COL4A6: variants seen among roughly 807,000 people sequenced by gnomAD.
COL4A6 encodes collagen alpha-6(IV) chain.
COL4A6 carries 59 observed loss-of-function variants against 126.7 expected under a neutral mutation model. The ratio of observed to expected loss-of-function variants is 0.47; its 90% confidence interval spans 0.38 to 0.58. The LOEUF (loss-of-function observed/expected upper bound fraction) is 0.58. COL4A6 is among the 20% of genes least tolerant of loss of function. The probability of loss-of-function intolerance (pLI) is 0.00; values close to 1 mark genes in which losing one functional copy is unlikely to be tolerated. For missense variants in COL4A6, 1,285 were observed against 1,337.3 expected, an observed-to-expected ratio of 0.96 and a Z score of 0.61; for synonymous variants, 547 against 496.6, an observed-to-expected ratio of 1.10 and a Z score of -1.35.
intron 3 of COL4A6, among the ~76,000 whole-genome samples, chrX:108,271,878 A>G (rs2037460655): frequency 8.9e-6 from 1 of 111,961 alleles, no homozygotes; most frequent in Admixed American, 9.5e-5. Flanking sequence ...TCATCCAGCT[A>G]CCCTGGGCAA....
intron 3 of COL4A6, among the ~76,000 whole-genome samples, chrX:108,259,488 C>T (rs1386729818): frequency 1.8e-5 from 2 of 111,706 alleles, no homozygotes; most frequent in East Asian, 5.7e-4. Flanking sequence ...ATGGTGGGCT[C>T]AAGGCAGTGT....
chrX:108,245,426 T>A (rs2036691465), intron 3 of COL4A6, among the ~76,000 whole-genome samples: 1 of 111,820 alleles, frequency 8.9e-6, no homozygotes, highest in Non-Finnish European at 1.9e-5. Flanking sequence ...AAAAGCTAAA[T>A]ATGCTTAAAC....
intron 2 of COL4A6, among the ~76,000 whole-genome samples, chrX:108,345,753 T>C (rs1476135781): frequency 9.0e-6 from 1 of 111,534 alleles, no homozygotes; most frequent in Non-Finnish European, 1.9e-5. Flanking sequence ...CTGCCTCCTA[T>C]AGCATGATGT....
intron 41 of COL4A6, 143 bp downstream of exon 41, chrX:108,162,749 C>A (rs1188877314): frequency 7.2e-5 from 49 of 680,794 alleles, no homozygotes; most frequent in Non-Finnish European, 9.7e-5. Context: ...TTCTTCTCCC[C>A]AACAGGAAGC....
chrX:108,249,103 T>A (rs747014333), intron 3 of COL4A6, among the ~76,000 whole-genome samples: 68 of 110,488 alleles, frequency 6.2e-4, no homozygotes, highest in Middle Eastern at 4.7e-3. Flanking sequence ...AATGTAATAA[T>A]AATAATAGAA....
At chrX:108,159,849 G>T in intron 43 of COL4A6, 101 bp from the exon 44 acceptor site, 2 of 895,839 alleles carry the variant, frequency 2.2e-6, no homozygotes, top group Non-Finnish European at 1.6e-6. Context: ...ACCAGACTGA[G>T]GCAGCCCTCT....
At chrX:108,196,615 G>T in intron 13 of COL4A6, 36 bp from the exon 14 acceptor site, 1 of 1,109,200 alleles carries the variant, frequency 9.0e-7, no homozygotes, top group African/African-American at 1.8e-5. Flanking sequence ...TATAACGTTT[G>T]TTTTCTTGTC....
At chrX:108,185,913 C>T (rs1024248133) in intron 23 of COL4A6, among the ~76,000 whole-genome samples, 13 of 111,856 alleles carry the variant, frequency 1.2e-4, no homozygotes, top group Non-Finnish European at 1.9e-4. Context: ...TATGACTACA[C>T]AAAGAGGAAG....
intron 3 of COL4A6, among the ~76,000 whole-genome samples, chrX:108,265,400 T>TC (rs2037275084): frequency 9.1e-6 from 1 of 110,071 alleles, no homozygotes; most frequent in Non-Finnish European, 1.9e-5. Context: ...GTTTTTTTTT[T>TC]TGACAAACAT....
At chrX:108,343,097 A>C (rs946799365) in intron 2 of COL4A6, among the ~76,000 whole-genome samples, 1 of 103,089 alleles carries the variant, frequency 9.7e-6, no homozygotes, top group African/African-American at 3.6e-5. Flanking sequence ...AATACTACAA[A>C]GGAAAGGAAA....
intron 5 of COL4A6, among the ~76,000 whole-genome samples, chrX:108,217,530 G>A (rs1355553392): frequency 1.8e-5 from 2 of 110,874 alleles, no homozygotes; most frequent in South Asian, 3.9e-4. Flanking sequence ...TGAGAGGAAC[G>A]GAAGATATAA....
Position 108,246,188 on chromosome X carries a change from C to T in COL4A6, c.145-24814G>A, listed in dbSNP as rs1426827975. On this transcript the variant is annotated intron_variant, in intron 3 of 44. Transcript: ENST00000334504. The stretch of plus-strand genomic sequence containing the variant: ...TACTTACTATCTGTGTGATCTTGGG[C>T]AGATAACCTGTCTGTGTCTGTTTTA... Among the ~76,000 whole-genome samples, 3 of 111,869 alleles carry T rather than the reference C, an allele frequency of 2.7e-5. No homozygotes were observed. In the Admixed American group the frequency reaches 2.8e-4, roughly 11 times the overall value.
chrX:108,255,566 C>T (rs1004390304), intron 3 of COL4A6, among the ~76,000 whole-genome samples: 4 of 110,758 alleles, frequency 3.6e-5, no homozygotes, highest in Non-Finnish European at 5.7e-5. Context: ...TTTTCTTTCC[C>T]CTAATTTTGT....
intron 3 of COL4A6, among the ~76,000 whole-genome samples, chrX:108,255,132 C>T (rs1463318375): frequency 1.1e-5 from 1 of 95,220 alleles, no homozygotes; most frequent in Admixed American, 1.2e-4. Flanking sequence ...ATACAAAGAA[C>T]CCCCAGTATT....
chrX:108,251,332 C>G (rs2036846676), intron 3 of COL4A6, among the ~76,000 whole-genome samples: 1 of 111,368 alleles, frequency 9.0e-6, no homozygotes, highest in African/African-American at 3.3e-5. Flanking sequence ...TCATTTGAAA[C>G]CAAACATCAT....
intron 2 of COL4A6, among the ~76,000 whole-genome samples, chrX:108,327,081 T>A (rs947428615): frequency 9.0e-6 from 1 of 111,273 alleles, no homozygotes; most frequent in Non-Finnish European, 1.9e-5. Flanking sequence ...GACCCGTACC[T>A]GTCTGTGGCC....
intron 5 of COL4A6, among the ~76,000 whole-genome samples, chrX:108,215,256 A>G (rs1177899575): frequency 8.9e-6 from 1 of 112,399 alleles, no homozygotes; most frequent in African/African-American, 3.2e-5. Context: ...TTATAGTTGT[A>G]AGAGCTAGAC....
intron 3 of COL4A6, among the ~76,000 whole-genome samples, chrX:108,278,568 G>T (rs1192355371): frequency 9.0e-6 from 1 of 110,698 alleles, no homozygotes; most frequent in African/African-American, 3.3e-5. Context: ...AAAACACTCT[G>T]CAGGATATTA....
chrX:108,423,778 A>T (rs896016039), intron 2 of COL4A6, among the ~76,000 whole-genome samples: 1 of 111,830 alleles, frequency 8.9e-6, no homozygotes, highest in African/African-American at 3.3e-5. Flanking sequence ...TATATCTAAC[A>T]TAGATATACT....
Sources: allele counts gnomAD v4.1 joint callset (sites outside exome capture counted in the v4.1 genomes callset), GRCh38; gene constraint gnomAD v4.1.1; transcripts MANE v1.5; gene names NCBI Gene and HGNC (gene_info 2026-07-23, HGNC 2026-07-21).